The following LRP5 variants were observed in gnomAD, a reference collection of about 807,000 sequenced individuals.
LRP5 encodes the protein low-density lipoprotein receptor-related protein 5.
LRP5 carries 62 observed loss-of-function variants against 154.1 expected under a neutral mutation model. That is an observed-to-expected ratio of 0.40 (90% confidence interval 0.33 to 0.50). LRP5 has a LOEUF of 0.50. Ranked by LOEUF, LRP5 falls within the 20% of genes least tolerant of loss-of-function variation. The probability of loss-of-function intolerance (pLI) is 0.55; values close to 1 mark genes in which losing one functional copy is unlikely to be tolerated. For synonymous variants in LRP5, 966 were observed against 1,011.5 expected, an observed-to-expected ratio of 0.96 and a Z score of 0.85; for missense variants, 1,915 against 2,336.7, an observed-to-expected ratio of 0.82 and a Z score of 3.72.
Position 68,447,269 on chromosome 11 carries a change from GC to G in LRP5, c.4586+740del. 1 of 153,908 alleles carries G rather than the reference GC, an allele frequency of 6.5e-6. No individual in the cohort carries two copies. Among genetic ancestry groups the G allele is most frequent in the Non-Finnish European group, 1.4e-5 (1 of 69,164 alleles). 9.5% of individuals were successfully genotyped at this position (153,908 alleles called of 1,614,324 possible). A position where few individuals can be genotyped will look rare whatever the true frequency, so the allele number is the denominator to read the frequency against. On this transcript the variant is annotated intron_variant, in intron 22 of 22. Coordinates refer to ENST00000294304, the MANE Select transcript of LRP5 (RefSeq NM_002335.4). The surrounding 1 kb of genome is among the most constrained non-coding windows in gnomAD (Gnocchi z 4.3). ...GTGGCCCACCCGCCAGCCGCACCAG[GC>G]CCCACCCCCGCAGGTGAAGGGGTGG... is the stretch of plus-strand genomic sequence containing the variant.
intron 20 of LRP5, 116 bp from the exon 21 acceptor site, chr11:68,439,661 C>A: frequency 2.6e-6 from 3 of 1,148,230 alleles, no homozygotes; most frequent in Non-Finnish European, 3.8e-6. Context: ...CAACAGGACA[C>A]ACCGCCCTGG....
chr11:68,412,575 G>T (rs1238845462), intron 11 of LRP5, among the ~76,000 whole-genome samples: 1 of 151,812 alleles, frequency 6.6e-6, no homozygotes, highest in South Asian at 2.1e-4. Context: ...AGCCCAGGAG[G>T]TTGAGGTTGT....
the LRP5 span, among the ~76,000 whole-genome samples, chr11:68,298,887 A>C: frequency 6.6e-6 from 1 of 152,172 alleles, no homozygotes; most frequent in Non-Finnish European, 1.5e-5. Flanking sequence ...GGAGATGTCT[A>C]CACTAGGAAC....
chr11:68,415,659 C>G (rs12788826), intron 12 of LRP5, among the ~76,000 whole-genome samples: 2,228 of 36,092 alleles, frequency 0.062, 280 homozygotes, highest in Middle Eastern at 0.14. Context: ...AGAGGAGAAT[C>G]GCTTGAACTT....
chr11:68,337,324 G>T (rs2098606260), intron 1 of LRP5, among the ~76,000 whole-genome samples: 1 of 152,206 alleles, frequency 6.6e-6, no homozygotes, highest in Non-Finnish European at 1.5e-5. Flanking sequence ...GGGGTGTGAG[G>T]AGGTGTGCAG....
chr11:68,413,153 C>T lies in LRP5; in HGVS notation c.2504-536C>T, dbSNP rs1161788896. The T allele has an allele frequency of 4.2e-5, 9 of 211,952 alleles. No individual in the cohort carries two copies. In the East Asian group the frequency reaches 4.4e-4, roughly 10 times the overall value. 13.1% of individuals were successfully genotyped at this position (211,952 alleles called of 1,614,324 possible). A position where few individuals can be genotyped will look rare whatever the true frequency, so the allele number is the denominator to read the frequency against. On this transcript the variant is annotated intron_variant, in intron 11 of 22. Coordinates refer to ENST00000294304, the MANE Select transcript of LRP5 (RefSeq NM_002335.4). This position sits in a 1 kb window ranked among gnomAD's most constrained non-coding sequence, Gnocchi z 5.1. Reference sequence around the variant, plus strand: ...TGTTGCCAGGCGAGAAACCAGTCACCGCACAGCTGTGGTTGCCTGAAATGA... The same window carrying T: ...TGTTGCCAGGCGAGAAACCAGTCACTGCACAGCTGTGGTTGCCTGAAATGA...
intron 7 of LRP5, among the ~76,000 whole-genome samples, 177 bp downstream of exon 7, chr11:68,390,229 T>C (rs2098645546): frequency 6.6e-6 from 1 of 152,246 alleles, no homozygotes; most frequent in Non-Finnish European, 1.5e-5. Flanking sequence ...AGGGTAGCGC[T>C]ATACAACGTC....
intron 7 of LRP5, among the ~76,000 whole-genome samples, chr11:68,393,700 G>T (rs2098647655): frequency 6.6e-6 from 1 of 152,162 alleles, no homozygotes. Context: ...AGAATCACTT[G>T]AACCCGGGAG....
the LRP5 span, among the ~76,000 whole-genome samples, chr11:68,301,847 C>G: frequency 6.6e-6 from 1 of 151,836 alleles, no homozygotes; most frequent in African/African-American, 2.4e-5. Flanking sequence ...CCAGGATGGT[C>G]TCGATCTCCT....
chr11:68,328,425 C>T (rs187064362), intron 1 of LRP5, among the ~76,000 whole-genome samples: 196 of 152,318 alleles, frequency 1.3e-3, no homozygotes, highest in African/African-American at 4.3e-3. Flanking sequence ...TCTGCCAGTT[C>T]TAAAATGCGT....
the LRP5 span, among the ~76,000 whole-genome samples, chr11:68,303,007 T>G: frequency 6.6e-6 from 1 of 152,148 alleles, no homozygotes; most frequent in African/African-American, 2.4e-5. Flanking sequence ...CTCCCTCTGT[T>G]CCTCCTTGAG....
intron 13 of LRP5, among the ~76,000 whole-genome samples, chr11:68,416,931 C>T (rs1174875265): frequency 2.0e-5 from 3 of 152,164 alleles, no homozygotes; most frequent in Admixed American, 2.0e-4. Flanking sequence ...TATGCAAAAT[C>T]GCACAGTAAA....
intron 7 of LRP5, among the ~76,000 whole-genome samples, chr11:68,401,269 C>T (rs186090939): frequency 6.6e-6 from 1 of 152,216 alleles, no homozygotes; most frequent in Non-Finnish European, 1.5e-5. Flanking sequence ...TGTGAAGAAC[C>T]CTAGATGATT....
intron 1 of LRP5, among the ~76,000 whole-genome samples, chr11:68,340,213 C>A (rs1356623560): frequency 6.6e-6 from 1 of 152,062 alleles, no homozygotes; most frequent in African/African-American, 2.4e-5. Context: ...ATACTCCAGC[C>A]TGGGCAACTA....
At chr11:68,346,424 G>A (rs914315858) in intron 1 of LRP5, among the ~76,000 whole-genome samples, 2 of 152,258 alleles carry the variant, frequency 1.3e-5, no homozygotes, top group African/African-American at 4.8e-5. Context: ...CCTGTGCTCG[G>A]AACCATCTAC....
At position 68,432,756 on chromosome 11, in the gene LRP5, G is replaced by A. The variant is rs537251919; in HGVS notation, c.3764-846G>A. On this transcript the variant is annotated intron_variant, in intron 17 of 22. Transcript: ENST00000294304. Reference sequence around the variant, plus strand: ...GTCCTAGGAAATGGGGGGCCACCTCGAAGCCTAGGCCTCCTCTGGCTTCTC... The same window carrying A: ...GTCCTAGGAAATGGGGGGCCACCTCAAAGCCTAGGCCTCCTCTGGCTTCTC... Among the ~76,000 whole-genome samples the A allele has an allele frequency of 3.3e-5, 5 of 152,306 alleles. No individual in the cohort carries two copies. In the South Asian group the frequency reaches 6.2e-4, roughly 19 times the overall value.
intron 13 of LRP5, among the ~76,000 whole-genome samples, chr11:68,416,947 CACA>C (rs2153169594): frequency 6.6e-6 from 1 of 152,280 alleles, no homozygotes; most frequent in East Asian, 1.9e-4. Flanking sequence ...GTAAAAATGA[CACA>C]ACTCATAGGG....
chr11:68,435,428 C>T (rs538521652), intron 18 of LRP5, among the ~76,000 whole-genome samples: 1 of 152,118 alleles, frequency 6.6e-6, no homozygotes, highest in East Asian at 1.9e-4. Flanking sequence ...AGCTTTGACT[C>T]ATGGTGAAAG....
At chr11:68,341,761 G>A (rs559278746) in intron 1 of LRP5, among the ~76,000 whole-genome samples, 6 of 150,308 alleles carry the variant, frequency 4.0e-5, no homozygotes, top group African/African-American at 1.2e-4. Context: ...GCAGCCCCCC[G>A]ACCCACTTCT....
Sources: allele counts gnomAD v4.1 joint callset (sites outside exome capture counted in the v4.1 genomes callset), GRCh38; gene constraint gnomAD v4.1.1; non-coding constraint Gnocchi (gnomAD v3.1); transcripts MANE v1.5; gene names NCBI Gene and HGNC (gene_info 2026-07-23, HGNC 2026-07-21).